RAG1: variants seen among roughly 807,000 people sequenced by gnomAD.
The protein encoded by RAG1 is V(D)J recombination-activating protein 1.
Under a neutral mutation model 62.7 loss-of-function variants are expected in RAG1, and 35 were observed. The ratio of observed to expected loss-of-function variants is 0.56; its 90% CI spans 0.43 to 0.74. The LOEUF (loss-of-function observed/expected upper bound fraction) is 0.74. RAG1 is among the 30% of genes least tolerant of loss of function. RAG1 has a pLI of 0.00. For missense variants in RAG1, 1,169 were observed against 1,278.6 expected (o/e 0.91, Z 1.31); for synonymous variants, 461 against 470.3 (o/e 0.98, Z 0.26).
At position 36,528,606 on chromosome 11, in the gene RAG1, C is replaced by A. The variant is rs186355446; in HGVS notation, n.429-7353C>A. On this transcript the variant is annotated intron_variant and non_coding_transcript_variant, in intron 2 of 2. Coordinates refer to the RAG1 transcript ENST00000529126. ...AAAGAACTAGAGAAGCAAGAGCAAA[C>A]CAATTCAAAACCTAGCAGAAGACAA... 7.9e-4 allele frequency among the ~76,000 whole-genome samples: 120 copies of A among 152,092 alleles called. 1 individual carries two copies. Among genetic ancestry groups the A allele is most frequent in the African/African-American group, 2.6e-3 (109 of 41,490 alleles).
chr11:36,532,692 A>T (rs1477706995), intron 2 of RAG1, among the ~76,000 whole-genome samples: 1 of 152,138 alleles, frequency 6.6e-6, no homozygotes, highest in Non-Finnish European at 1.5e-5. Flanking sequence ...TGCTCAGCTT[A>T]TTTGCTGCTG....
intron 3 of RAG1, among the ~76,000 whole-genome samples, chr11:36,545,934 G>T (rs1460885585): frequency 6.6e-6 from 1 of 152,144 alleles, no homozygotes; most frequent in Admixed American, 6.5e-5. Context: ...GTTCTAATTT[G>T]ATTGCACTGT....
intron 2 of RAG1, chr11:36,520,378 C>T (rs1860060030): frequency 6.6e-6 from 1 of 152,218 alleles, no homozygotes. Context: ...AAGTGATTCT[C>T]CCGTCTCAGC....
intron 3 of RAG1, among the ~76,000 whole-genome samples, chr11:36,559,737 C>T (rs896330626): frequency 7.2e-5 from 11 of 151,982 alleles, no homozygotes; most frequent in African/African-American, 2.7e-4. Context: ...GTATCTGTCT[C>T]TTTGTTGAAT....
chr11:36,512,540 A>C (rs1859940695), intron 1 of RAG1, among the ~76,000 whole-genome samples: 1 of 152,212 alleles, frequency 6.6e-6, no homozygotes, highest in Non-Finnish European at 1.5e-5. Flanking sequence ...CTCTCATTGA[A>C]ATTGGGACCT....
chr11:36,546,020 C>G (rs1373537105), intron 3 of RAG1, among the ~76,000 whole-genome samples: 1 of 152,076 alleles, frequency 6.6e-6, no homozygotes, highest in Non-Finnish European at 1.5e-5. Flanking sequence ...ATTATGTGGT[C>G]AATTTTAGAA....
chr11:36,525,796 T>C (rs887811714), intron 2 of RAG1, among the ~76,000 whole-genome samples: 1 of 152,186 alleles, frequency 6.6e-6, no homozygotes, highest in Non-Finnish European at 1.5e-5. Context: ...CTAGGAGGGT[T>C]TTTTTGTGAA....
Position 36,574,790 on chromosome 11 carries a change from G to A in RAG1, c.1486G>A (p.Gly496Arg), listed in dbSNP as rs1850813660. The A allele has an allele frequency of 6.2e-7, 1 of 1,614,240 alleles. No individual in the cohort carries two copies. The highest frequency in any genetic ancestry group is 1.6e-4 in the Middle Eastern group (1 of 6,062). ...KMYRTVKAIT[G>R]RQIFQPLHAL... ...GTACAGGACTGTGAAAGCCATCACA[G>A]GGAGACAGATTTTTCAGCCTTTGCA... The change falls in exon 2 of 2, where the codon GGG becomes AGG. Residue 496 changes from glycine to arginine, a missense_variant. Physicochemically the swap from Gly to Arg is moderately radical, Grantham distance 125. Transcript: ENST00000299440.
At chr11:36,544,994 G>T (rs1181248120) in intron 3 of RAG1, among the ~76,000 whole-genome samples, 1 of 152,172 alleles carries the variant, frequency 6.6e-6, no homozygotes, top group Non-Finnish European at 1.5e-5. Flanking sequence ...CCCAGTCTCA[G>T]GTAGTTCTTT....
At chr11:36,565,449 AG>A (rs1359417993), upstream of RAG1, among the ~76,000 whole-genome samples, 1 of 152,188 alleles carries the variant, frequency 6.6e-6, no homozygotes, top group Non-Finnish European at 1.5e-5. Flanking sequence ...GGGCCAGTGA[AG>A]GGCCTGTCGG....
intron 3 of RAG1, among the ~76,000 whole-genome samples, chr11:36,558,010 C>G (rs1184884512): frequency 1.3e-5 from 2 of 152,152 alleles, no homozygotes; most frequent in African/African-American, 4.8e-5. Flanking sequence ...TAAATACCTA[C>G]AAAGCCCAGA....
chr11:36,560,690 G>A (rs992209921), intron 3 of RAG1, among the ~76,000 whole-genome samples: 9 of 152,152 alleles, frequency 5.9e-5, no homozygotes, highest in Admixed American at 3.3e-4. Context: ...TGTGAGGACC[G>A]TGGGGACTGT....
intron 2 of RAG1, among the ~76,000 whole-genome samples, chr11:36,530,971 C>T (rs1366212058): frequency 6.6e-6 from 1 of 151,904 alleles, no homozygotes; most frequent in Non-Finnish European, 1.5e-5. Context: ...GTTTTTGTTT[C>T]ACTTATTTTT....
intron 1 of RAG1, among the ~76,000 whole-genome samples, chr11:36,571,818 A>C (rs1850750697): frequency 1.3e-5 from 2 of 152,052 alleles, no homozygotes; most frequent in Admixed American, 1.3e-4. Flanking sequence ...GAGTATCACC[A>C]TGTTGGCCAG....
At chr11:36,566,050 C>T (rs945271437), upstream of RAG1, among the ~76,000 whole-genome samples, 4 of 151,608 alleles carry the variant, frequency 2.6e-5, no homozygotes, top group Non-Finnish European at 5.9e-5. Context: ...AAAAATTGAG[C>T]AATACAGAAA....
chr11:36,538,172 T>G (rs1564979456), downstream of RAG1, among the ~76,000 whole-genome samples: 1 of 152,218 alleles, frequency 6.6e-6, no homozygotes, highest in East Asian at 1.9e-4. Flanking sequence ...TTCCTTGTAC[T>G]GTAGAATTTC....
chr11:36,517,824 T>C (rs1452875591), intron 1 of RAG1, among the ~76,000 whole-genome samples: 3 of 152,206 alleles, frequency 2.0e-5, no homozygotes, highest in African/African-American at 7.2e-5. Context: ...ATGAGAGTGT[T>C]CGCTTTTCTT....
Position 36,541,918 on chromosome 11 carries a change from A to T in RAG1, c.-412+5884A>T, listed in dbSNP as rs118001393. 2.0e-3 allele frequency among the ~76,000 whole-genome samples: 303 copies of T among 152,112 alleles called. 10 individuals carry two copies. In the East Asian group the frequency reaches 0.047, roughly 24 times the overall value. ...CACCTACCGCCCCTACCCAACTATCAATAGGCAATATCTGGGAAGATTGTG... is the reference window on the plus strand; with the variant it reads ...CACCTACCGCCCCTACCCAACTATCTATAGGCAATATCTGGGAAGATTGTG... On this transcript the variant is annotated intron_variant and NMD_transcript_variant, in intron 3 of 9. Transcript: ENST00000534663.
At chr11:36,569,517 T>C (rs1435839410) in intron 1 of RAG1, among the ~76,000 whole-genome samples, 1 of 152,184 alleles carries the variant, frequency 6.6e-6, no homozygotes, top group African/African-American at 2.4e-5. Flanking sequence ...TCCATGTTCA[T>C]CCGAAAAGAA....
Sources: gnomAD v4.1 joint callset for allele counts (sites outside exome capture counted in the v4.1 genomes callset) on GRCh38, gnomAD v4.1.1 for gene constraint, MANE v1.5 for transcripts, NCBI Gene and HGNC (gene_info 2026-07-23, HGNC 2026-07-21) for gene names.